RELL1: variants seen among roughly 807,000 people sequenced by gnomAD.
RELL1 encodes the protein RELT-like protein 1.
Under a neutral mutation model 23.0 loss-of-function variants are expected in RELL1, and 10 were observed. That is an observed-to-expected ratio of 0.43 (90% CI 0.27 to 0.74). RELL1 has a LOEUF of 0.74. RELL1 is among the 30% of genes least tolerant of loss of function. RELL1 has a pLI of 0.19. For synonymous variants in RELL1, 146 were observed against 146.8 expected (o/e 0.99, Z 0.04); for missense variants, 315 against 364.4 (o/e 0.86, Z 1.10).
At chr4:37,593,979 C>T (rs893717043) in intron 6 of RELL1, among the ~76,000 whole-genome samples, 1 of 152,190 alleles carries the variant, frequency 6.6e-6, no homozygotes, top group Non-Finnish European at 1.5e-5. Flanking sequence ...CAGACACACA[C>T]TTTCGCATTT....
At chr4:37,601,226 T>A (rs959465112) in intron 6 of RELL1, among the ~76,000 whole-genome samples, 2 of 152,184 alleles carry the variant, frequency 1.3e-5, no homozygotes, top group South Asian at 4.1e-4. Context: ...ATAAACAATA[T>A]GGCTGTGGCA....
chr4:37,685,526 T>C (rs560261060), intron 1 of RELL1, among the ~76,000 whole-genome samples: 1 of 152,298 alleles, frequency 6.6e-6, no homozygotes, highest in Non-Finnish European at 1.5e-5. Flanking sequence ...TCTCTGTTGG[T>C]GGCTTCCTGC....
chr4:37,625,461 C>T (rs1719905178), intron 6 of RELL1, among the ~76,000 whole-genome samples: 1 of 152,108 alleles, frequency 6.6e-6, no homozygotes, highest in Non-Finnish European at 1.5e-5. Flanking sequence ...AACCATACAT[C>T]TTATAAATGG....
At chr4:37,623,870 G>A (rs1719851497) in intron 6 of RELL1, among the ~76,000 whole-genome samples, 1 of 152,148 alleles carries the variant, frequency 6.6e-6, no homozygotes, top group South Asian at 2.1e-4. Context: ...CATCAAATCT[G>A]AGATCCTTTT....
chr4:37,601,665 C>T (rs746009517), intron 6 of RELL1, among the ~76,000 whole-genome samples: 7 of 152,184 alleles, frequency 4.6e-5, no homozygotes, highest in East Asian at 1.9e-4. Context: ...GGCCTTCTGG[C>T]GATGGAGTGA....
intron 6 of RELL1, 77 bp downstream of exon 6, chr4:37,631,308 A>G (rs1055421278): frequency 1.6e-5 from 23 of 1,469,008 alleles, no homozygotes; most frequent in Non-Finnish European, 2.1e-5. Flanking sequence ...ATGCTGCCAC[A>G]GCACCTGGGA....
At chr4:37,601,726 T>C (rs1719022309) in intron 6 of RELL1, among the ~76,000 whole-genome samples, 1 of 152,246 alleles carries the variant, frequency 6.6e-6, no homozygotes, top group African/African-American at 2.4e-5. Context: ...GAGCTTCACT[T>C]TCCATGTGGC....
intron 3 of RELL1, among the ~76,000 whole-genome samples, chr4:37,641,195 G>A (rs527915345): frequency 4.1e-4 from 63 of 151,848 alleles, no homozygotes; most frequent in Admixed American, 1.7e-3. Context: ...TTGGTTTGCT[G>A]AGTGAGTCTC....
chr4:37,632,084 GAAAAAAAAAA>G (rs1183120605), intron 5 of RELL1, among the ~76,000 whole-genome samples: 1 of 44,458 alleles, frequency 2.2e-5, no homozygotes, highest in African/African-American at 9.7e-5. Context: ...TCTCAATAAG[GAAAAAAAAAA>G]AAAAAAAAAA....
intron 1 of RELL1, among the ~76,000 whole-genome samples, chr4:37,669,708 G>A (rs1301273536): frequency 1.3e-5 from 2 of 152,174 alleles, no homozygotes; most frequent in Non-Finnish European, 2.9e-5. Flanking sequence ...TTCTACCTTG[G>A]GATCCTGTTG....
At chr4:37,643,820 T>C (rs965005344) in intron 3 of RELL1, among the ~76,000 whole-genome samples, 10 of 152,186 alleles carry the variant, frequency 6.6e-5, no homozygotes, top group Admixed American at 4.6e-4. Context: ...CTGCATCTTA[T>C]CACCAGGCTG....
intron 1 of RELL1, among the ~76,000 whole-genome samples, chr4:37,659,878 AC>A (rs1465153977): frequency 6.6e-6 from 1 of 152,128 alleles, no homozygotes; most frequent in Non-Finnish European, 1.5e-5. Context: ...CTTTGTGCTG[AC>A]CAAGATCAAG....
chr4:37,664,460 T>A (rs1721462850), intron 1 of RELL1, among the ~76,000 whole-genome samples: 1 of 152,166 alleles, frequency 6.6e-6, no homozygotes. Context: ...TTTCTCTAGC[T>A]ATTGAAAAGC....
chr4:37,657,665 G>T (rs1721173192), intron 1 of RELL1, among the ~76,000 whole-genome samples: 1 of 152,114 alleles, frequency 6.6e-6, no homozygotes, highest in Admixed American at 6.5e-5. Flanking sequence ...GGCCTGGTGT[G>T]GTGGCTTACA....
At chr4:37,667,351 C>T (rs1721574111) in intron 1 of RELL1, among the ~76,000 whole-genome samples, 1 of 151,244 alleles carries the variant, frequency 6.6e-6, no homozygotes, top group South Asian at 2.1e-4. Flanking sequence ...TTATTTCCAG[C>T]CCCATTTAAA....
chr4:37,626,866 G>T (rs1719969890), intron 6 of RELL1, among the ~76,000 whole-genome samples: 1 of 150,444 alleles, frequency 6.6e-6, no homozygotes. Flanking sequence ...GAAGAAAGGT[G>T]GTTAGAGGTA....
At chr4:37,646,906 G>A (rs1020849053) in intron 3 of RELL1, among the ~76,000 whole-genome samples, 1 of 151,878 alleles carries the variant, frequency 6.6e-6, no homozygotes, top group Non-Finnish European at 1.5e-5. Flanking sequence ...TACTTTTTTT[G>A]AAGAGATGGG....
intron 2 of RELL1, among the ~76,000 whole-genome samples, chr4:37,648,795 C>T (rs528992254): frequency 9.2e-5 from 14 of 152,242 alleles, no homozygotes; most frequent in Admixed American, 5.2e-4. Context: ...CATGGGGAGA[C>T]CTATTTTAAT....
intron 2 of RELL1, among the ~76,000 whole-genome samples, chr4:37,647,772 A>G (rs1344189715): frequency 6.6e-6 from 1 of 152,244 alleles, no homozygotes; most frequent in Non-Finnish European, 1.5e-5. Context: ...AAGAAAGCTC[A>G]TTAAAAAAGA....
Sources: gnomAD v4.1 joint callset for allele counts (sites outside exome capture counted in the v4.1 genomes callset) on GRCh38, gnomAD v4.1.1 for gene constraint, MANE v1.5 for transcripts, NCBI Gene and HGNC (gene_info 2026-07-23, HGNC 2026-07-21) for gene names.